Variants in AGAP9 observed in about 807,000 individuals in gnomAD.
AGAP9 encodes arf-GAP with GTPase, ANK repeat and PH domain-containing protein 9.
Under a neutral mutation model 55.6 loss-of-function variants are expected in AGAP9, and 23 were observed. The ratio of observed to expected loss-of-function variants is 0.41; its 90% CI spans 0.30 to 0.59. The LOEUF (loss-of-function observed/expected upper bound fraction) is 0.59. Among genes scored for constraint, AGAP9 ranks in the 20% least tolerant of loss-of-function variants. The probability of loss-of-function intolerance (pLI) is 0.25; values close to 1 mark genes in which losing one functional copy is unlikely to be tolerated. For synonymous variants in AGAP9, 120 were observed against 305.0 expected (o/e 0.39, Z 6.32); for missense variants, 309 against 808.1 (o/e 0.38, Z 7.49).
chr10:47,515,922 G>A (rs1460333659), intron 4 of AGAP9, among the ~76,000 whole-genome samples: 1 of 117,800 alleles, frequency 8.5e-6, no homozygotes, highest in Admixed American at 9.0e-5. Context: ...CACATTGGAG[G>A]GAAGCCTCCA....
chr10:47,519,154 C>G lies in AGAP9; in HGVS notation c.362-1297G>C, dbSNP rs1186453403. On this transcript the variant is annotated intron_variant, in intron 3 of 7. Coordinates refer to ENST00000452145, the MANE Select transcript of AGAP9 (RefSeq NM_001190810.1). ...CCATCCCCATGGTAATAAGCAAATT[C>G]TCATTATGGTAATTTAAAAGGCTGT... Among the ~76,000 whole-genome samples, 2 of 136,962 alleles carry G rather than the reference C, an allele frequency of 1.5e-5. 1 individual carries two copies. Among genetic ancestry groups the G allele is most frequent in the Non-Finnish European group, 3.1e-5 (2 of 65,016 alleles). 89.9% of individuals were successfully genotyped at this position (136,962 alleles called of 152,430 possible). A position where few individuals can be genotyped will look rare whatever the true frequency, so the allele number is the denominator to read the frequency against.
chr10:47,505,543 C>CT (rs1840458864), intron 6 of AGAP9, among the ~76,000 whole-genome samples: 2 of 133,288 alleles, frequency 1.5e-5, no homozygotes. Context: ...TGAAAAATCA[C>CT]TTTTTTCACA....
intron 2 of AGAP9, among the ~76,000 whole-genome samples, chr10:47,521,452 G>A (rs1840834357): frequency 7.2e-6 from 1 of 139,816 alleles, no homozygotes; most frequent in African/African-American, 2.7e-5. Context: ...CACTCATAAT[G>A]AGTCTTAATT....
chr10:47,502,133 G>T lies in AGAP9; in HGVS notation c.*19C>A, dbSNP rs1464818873. 9.5e-6 allele frequency: 15 copies of T among 1,572,448 alleles called. No homozygotes were observed. The highest frequency in any genetic ancestry group is 1.7e-5 in the Admixed American group (1 of 57,250). On this transcript the variant is annotated 3_prime_UTR_variant, in exon 8 of 8. Transcript: ENST00000452145. ...AAGCACGTTGATGCACTCCTGGCTG[G>T]AGGCCTGCCGGGCGTAGGTCAGCGC...
At chr10:47,510,748 C>T (rs1201079651) in intron 4 of AGAP9, among the ~76,000 whole-genome samples, 3,177 of 100,350 alleles carry the variant, frequency 0.032, 111 homozygotes, top group African/African-American at 0.13. Context: ...GAGAATGGGG[C>T]GAACCCAGGA....
At chr10:47,521,009 TTCA>T (rs1840817318) in intron 2 of AGAP9, among the ~76,000 whole-genome samples, 2 of 108,154 alleles carry the variant, frequency 1.8e-5, no homozygotes, top group African/African-American at 4.3e-5. Flanking sequence ...AAAAAGTAAA[TTCA>T]TCATATCTGT....
At chr10:47,507,063 G>A (rs1840496714) in intron 6 of AGAP9, among the ~76,000 whole-genome samples, 1 of 133,294 alleles carries the variant, frequency 7.5e-6, no homozygotes, top group Admixed American at 7.9e-5. Flanking sequence ...TCAACTTTTT[G>A]TTGTAGAAAA....
intron 5 of AGAP9, 108 bp from the exon 6 acceptor site, chr10:47,507,691 A>C: frequency 8.7e-7 from 1 of 1,143,632 alleles, no homozygotes; most frequent in South Asian, 1.3e-5. Flanking sequence ...CCTGAAATTC[A>C]AATCTTCTAG....
chr10:47,502,747 T>C lies in AGAP9; in HGVS notation c.1382A>G (p.Gln461Arg). The change falls in exon 8 of 8, where the codon CAG (glutamine) becomes CGG (arginine). Residue 461 changes from glutamine to arginine, a missense_variant. Physicochemically the swap from Gln to Arg is conservative, Grantham distance 43 (BLOSUM62 1). Coordinates refer to ENST00000452145, the MANE Select transcript of AGAP9 (RefSeq NM_001190810.1). ...SSKSKSQLTS[Q>R]SEAMALQSIQ... ...CGACTGCAGGGCCATGGCCTCACTC[T>C]GGCTGGTCAGCTGGGACTTGCTTTT... 2 of 1,591,834 alleles carry C rather than the reference T, an allele frequency of 1.3e-6. No homozygotes were observed. The highest frequency in any genetic ancestry group is 1.7e-6 in the Non-Finnish European group (2 of 1,165,904).
At chr10:47,513,402 T>G (rs1172947776) in intron 4 of AGAP9, among the ~76,000 whole-genome samples, 4 of 141,838 alleles carry the variant, frequency 2.8e-5, no homozygotes, top group African/African-American at 1.0e-4. Context: ...CACAGACAAA[T>G]GGAAAGACAC....
At chr10:47,511,044 C>T (rs1840611096) in intron 4 of AGAP9, among the ~76,000 whole-genome samples, 1 of 126,102 alleles carries the variant, frequency 7.9e-6, no homozygotes, top group Admixed American at 8.2e-5. Context: ...CCCGGGTTCA[C>T]GCCATTCTCC....
intron 4 of AGAP9, among the ~76,000 whole-genome samples, chr10:47,513,361 A>G (rs1216365158): frequency 7.0e-6 from 1 of 142,208 alleles, no homozygotes; most frequent in African/African-American, 2.6e-5. Flanking sequence ...GCCGTTGGGA[A>G]CTACAAAACA....
intron 2 of AGAP9, among the ~76,000 whole-genome samples, chr10:47,520,787 G>C (rs1840808069): frequency 1.1e-5 from 1 of 93,632 alleles, no homozygotes; most frequent in Admixed American, 1.1e-4. Context: ...CTTGAACCCA[G>C]GTCAGGAAGT....
Position 47,502,436 on chromosome 10 carries a change from A to G in AGAP9, c.1693T>C (p.Trp565Arg), listed in dbSNP as rs1047435. Residue 565 changes from tryptophan to arginine, a missense_variant, in exon 8 of 8, where the codon TGG (tryptophan) becomes CGG (arginine). Transcript: ENST00000452145. ...SIKSTREEKE[W>R]WIRSKYEEKL... ...TCCTCATATTTGGAACGGATCCACC[A>G]TTCCTTCTCTTCCCTCGTGGACTTT... is the stretch of plus-strand genomic sequence containing the variant. The G allele has an allele frequency of 4.4e-3, 6,842 of 1,546,378 alleles. 222 individuals carry two copies. In the African/African-American group the frequency reaches 0.054, roughly 12 times the overall value.
chr10:47,506,418 C>T (rs1177592543), intron 6 of AGAP9, among the ~76,000 whole-genome samples: 1 of 138,664 alleles, frequency 7.2e-6, no homozygotes, highest in African/African-American at 2.7e-5. Flanking sequence ...GCAACCTCCA[C>T]CTCCCAGGCT....
At chr10:47,505,307 C>T (rs1840455294) in intron 6 of AGAP9, among the ~76,000 whole-genome samples, 1 of 91,008 alleles carries the variant, frequency 1.1e-5, no homozygotes, top group Non-Finnish European at 2.2e-5. Context: ...GCTGGTTTCT[C>T]AGCATAAATC....
At chr10:47,510,904 C>A (rs1840602603) in intron 4 of AGAP9, among the ~76,000 whole-genome samples, 1 of 130,262 alleles carries the variant, frequency 7.7e-6, no homozygotes, top group African/African-American at 2.9e-5. Context: ...TAAAAAGCAG[C>A]CAAGAATTTC....
chr10:47,504,846 CTTTTTTTTTTTTTTT>C (rs59529030), intron 6 of AGAP9, among the ~76,000 whole-genome samples: 3 of 46,842 alleles, frequency 6.4e-5, no homozygotes, highest in Admixed American at 4.7e-4. Flanking sequence ...CATAACTGTT[CTTTTTTTTTTTTTTT>C]TTTTTTTTTT....
At chr10:47,510,845 AAAAG>A (rs1272516108) in intron 4 of AGAP9, among the ~76,000 whole-genome samples, 8 of 125,864 alleles carry the variant, frequency 6.4e-5, no homozygotes, top group Non-Finnish European at 1.1e-4. Context: ...AAAAAAAAAA[AAAAG>A]AAAGAAAAGT....
Sources: gnomAD v4.1 joint callset for allele counts (sites outside exome capture counted in the v4.1 genomes callset) on GRCh38, gnomAD v4.1.1 for gene constraint, MANE v1.5 for transcripts, NCBI Gene and HGNC (gene_info 2026-07-23, HGNC 2026-07-21) for gene names.